ATP9A: variants seen among roughly 807,000 people sequenced by gnomAD.
The protein encoded by ATP9A is ATPase phospholipid transporting 9A.
ATP9A carries 52 observed loss-of-function variants against 144.1 expected under a neutral mutation model. The observed-to-expected ratio is 0.36, with a 90% CI of 0.29 to 0.45. The LOEUF is 0.45. Among genes scored for constraint, ATP9A ranks in the 20% least tolerant of loss-of-function variants. The pLI, the probability that ATP9A is intolerant of heterozygous loss-of-function variation, is 1.00. For missense variants in ATP9A, 947 were observed against 1,392.7 expected (o/e 0.68, Z 5.09); for synonymous variants, 582 against 557.4 (o/e 1.04, Z -0.62).
intron 12 of ATP9A, 149 bp downstream of exon 12, chr20:51,670,966 C>T (rs750210607): frequency 3.3e-5 from 31 of 951,658 alleles, no homozygotes; most frequent in Non-Finnish European, 4.3e-5. Context: ...ATCTTCATCA[C>T]CAAAGAATCT....
chr20:51,694,044 A>T lies in ATP9A; in HGVS notation c.606T>A (p.Leu202=). The T allele has an allele frequency of 6.2e-7, 1 of 1,614,016 alleles. No homozygotes were observed. The highest frequency in any genetic ancestry group is 8.5e-7 in the Non-Finnish European group (1 of 1,179,976). The part of the protein sequence containing the change: ...LDGETDWKLR[L]PVACTQRLPT... The stretch of plus-strand genomic sequence containing the variant: ...GGAGCCTCTGCGTGCAGGCCACGGG[A>T]AGCCGCAGCTTCCAGTCCGTCTCCC... The change falls in exon 7 of 28, where the codon CTT becomes CTA. Residue 202 remains leucine (L), a synonymous_variant. Transcript: ENST00000338821.
At chr20:51,630,540 T>C (rs2077266034) in intron 15 of ATP9A, among the ~76,000 whole-genome samples, 1 of 151,976 alleles carries the variant, frequency 6.6e-6, no homozygotes, top group Admixed American at 6.6e-5. Context: ...CTGTCTCTAC[T>C]AAAATTACAA....
At chr20:51,673,785 C>T (rs557390399) in intron 11 of ATP9A, among the ~76,000 whole-genome samples, 1 of 152,196 alleles carries the variant, frequency 6.6e-6, no homozygotes, top group East Asian at 1.9e-4. Context: ...CGCGGTGGCT[C>T]ACACCTACAA....
At chr20:51,629,931 A>G (rs2077263820) in intron 15 of ATP9A, among the ~76,000 whole-genome samples, 1 of 152,208 alleles carries the variant, frequency 6.6e-6, no homozygotes. Context: ...TGCTGCTGGG[A>G]TGAGAGTGAT....
intron 15 of ATP9A, among the ~76,000 whole-genome samples, chr20:51,634,018 A>AG (rs775664725): frequency 1.3e-5 from 2 of 152,078 alleles, no homozygotes; most frequent in Non-Finnish European, 2.9e-5. Context: ...TAACCTGGGA[A>AG]GGGGGGCATG....
chr20:51,748,063 T>C (rs947433787), intron 1 of ATP9A, among the ~76,000 whole-genome samples: 3 of 152,188 alleles, frequency 2.0e-5, no homozygotes, highest in African/African-American at 7.2e-5. Flanking sequence ...GAGGAAGCAG[T>C]TCTGGGCTCT....
At chr20:51,700,835 A>C (rs2077590366) in intron 4 of ATP9A, among the ~76,000 whole-genome samples, 1 of 152,176 alleles carries the variant, frequency 6.6e-6, no homozygotes, top group South Asian at 2.1e-4. Flanking sequence ...CGTCTCAAAA[A>C]ATAGAAAACA....
intron 4 of ATP9A, among the ~76,000 whole-genome samples, chr20:51,708,172 C>T (rs1363027508): frequency 6.6e-6 from 1 of 152,040 alleles, no homozygotes; most frequent in African/African-American, 2.4e-5. Flanking sequence ...TACACCTTGG[C>T]TGGGCACAGT....
Position 51,757,115 on chromosome 20 carries a change from C to T in ATP9A, c.68+11187G>A, listed in dbSNP as rs145204758. 2.9e-4 allele frequency among the ~76,000 whole-genome samples: 44 copies of T among 152,200 alleles called. 1 individual carries two copies. The East Asian group carries it at 8.3e-3, about 29-fold the overall frequency. ...TAGTGGGCAGAGGCCAGGGATGTTG[C>T]TAAACATCCTACAATGCCCAGGACA... On this transcript the variant is annotated intron_variant, in intron 1 of 27. Coordinates refer to ENST00000338821, the MANE Select transcript of ATP9A (RefSeq NM_006045.3).
chr20:51,744,698 T>G (rs963039456), intron 1 of ATP9A, among the ~76,000 whole-genome samples: 1 of 151,856 alleles, frequency 6.6e-6, no homozygotes, highest in Non-Finnish European at 1.5e-5. Flanking sequence ...CTGCTGGGAG[T>G]TCCCCTATAA....
chr20:51,759,589 C>T (rs769177324), intron 1 of ATP9A, among the ~76,000 whole-genome samples: 24 of 152,090 alleles, frequency 1.6e-4, no homozygotes, highest in Non-Finnish European at 3.4e-4. Flanking sequence ...AAGAGAATCG[C>T]TTGAACCTCA....
Position 51,621,552 on chromosome 20 carries a change from T to A in ATP9A, c.2115+522A>T, listed in dbSNP as rs571802212. On this transcript the variant is annotated intron_variant, in intron 19 of 27. Transcript: ENST00000338821. ...GTTCCTGATGTGCACATTGTCTTGG[T>A]CAATGTCTGCCACAAGGGCGGGCGA... Among the ~76,000 whole-genome samples, 6 of 152,242 alleles carry A rather than the reference T, an allele frequency of 3.9e-5. No homozygotes were observed. The East Asian group carries it at 1.2e-3, about 29-fold the overall frequency.
intron 3 of ATP9A, 50 bp downstream of exon 3, chr20:51,725,769 C>T (rs371276206): frequency 2.4e-5 from 31 of 1,303,210 alleles, no homozygotes; most frequent in Middle Eastern, 1.9e-4. Context: ...AAAGAACTTT[C>T]TGTTTCCAAA....
intron 3 of ATP9A, among the ~76,000 whole-genome samples, chr20:51,716,524 C>T (rs969724947): frequency 8.7e-5 from 13 of 149,874 alleles, no homozygotes; most frequent in Middle Eastern, 3.5e-3. Flanking sequence ...CATGGTGGCT[C>T]GTGCTATGGT....
chr20:51,651,251 ACAT>A, intron 14 of ATP9A, among the ~76,000 whole-genome samples: 1 of 125,946 alleles, frequency 7.9e-6, no homozygotes, highest in Non-Finnish European at 1.7e-5. Context: ...ATATATATTT[ACAT>A]AATATATTAT....
chr20:51,672,234 G>T (rs1414768031), intron 11 of ATP9A, among the ~76,000 whole-genome samples: 1 of 152,144 alleles, frequency 6.6e-6, no homozygotes, highest in African/African-American at 2.4e-5. Flanking sequence ...AGGTGCATTA[G>T]AATTTCCTTC....
chr20:51,729,428 T>G (rs531182423), intron 2 of ATP9A, among the ~76,000 whole-genome samples: 78 of 141,420 alleles, frequency 5.5e-4, no homozygotes, highest in Non-Finnish European at 1.1e-3. Context: ...GTCACTGACA[T>G]CTGCCACAGG....
intron 4 of ATP9A, among the ~76,000 whole-genome samples, chr20:51,704,319 G>A (rs1047018863): frequency 6.6e-6 from 1 of 151,844 alleles, no homozygotes; most frequent in East Asian, 1.9e-4. Context: ...CCCTTACAGG[G>A]GGGAAATAAA....
intron 4 of ATP9A, among the ~76,000 whole-genome samples, chr20:51,712,217 C>T (rs939323930): frequency 5.9e-4 from 89 of 151,930 alleles, no homozygotes; most frequent in Admixed American, 2.6e-3. Flanking sequence ...GGACTACAGG[C>T]GCCCGCCACC....
Sources: gnomAD v4.1 joint callset for allele counts (sites outside exome capture counted in the v4.1 genomes callset) on GRCh38, gnomAD v4.1.1 for gene constraint, MANE v1.5 for transcripts, NCBI Gene and HGNC (gene_info 2026-07-23, HGNC 2026-07-21) for gene names.